YWHAE: variants seen among roughly 807,000 people sequenced by gnomAD.
YWHAE encodes the protein 14-3-3 protein epsilon.
Under a neutral mutation model 30.1 loss-of-function variants are expected in YWHAE, and 4 were observed. That is an observed-to-expected ratio of 0.13 (90% CI 0.07 to 0.30). The LOEUF (loss-of-function observed/expected upper bound fraction) is 0.30, where lower values mean the gene tolerates loss of function less well. YWHAE is among the 10% of genes least tolerant of loss of function. YWHAE has a pLI of 1.00. For synonymous variants in YWHAE, 118 were observed against 111.8 expected (o/e 1.06, Z -0.35); for missense variants, 121 against 315.9 (o/e 0.38, Z 4.68).
Position 1,375,239 on chromosome 17 carries a change from A to AT in YWHAE, c.65-10182dup, listed in dbSNP as rs569713503. 2.7e-3 allele frequency among the ~76,000 whole-genome samples: 410 copies of AT among 152,338 alleles called. 3 individuals carry two copies. Among genetic ancestry groups the AT allele is most frequent in the Non-Finnish European group, 2.5e-3 (167 of 68,040 alleles). ...TCCTTTTAACACCAGCAACAGAAAC[A>AT]TAATACTAATGATAATGTACCCCAA... On this transcript the variant is annotated intron_variant, in intron 1 of 5. Transcript: ENST00000264335.
chr17:1,357,629 TA>T (rs1434971141), intron 4 of YWHAE, among the ~76,000 whole-genome samples: 1 of 150,882 alleles, frequency 6.6e-6, no homozygotes, highest in Non-Finnish European at 1.5e-5. Flanking sequence ...ATATTTACTG[TA>T]AAAATTTAAA....
chr17:1,368,152 C>T (rs1459323291), intron 1 of YWHAE, among the ~76,000 whole-genome samples: 2 of 151,728 alleles, frequency 1.3e-5, no homozygotes, highest in East Asian at 1.9e-4. Flanking sequence ...TTTGGGAGGC[C>T]GAGGCAGGCA....
At position 1,372,137 on chromosome 17, in the gene YWHAE, C is replaced by T. The variant is rs184486641; in HGVS notation, c.65-7079G>A. On this transcript the variant is annotated intron_variant, in intron 1 of 5. Coordinates refer to ENST00000264335, the MANE Select transcript of YWHAE (RefSeq NM_006761.5). ...ACAGGCGTGAGCCACCGCGCTCAGC[C>T]GACCTTGTACTTTTTAAGTAATGGA... is the stretch of plus-strand genomic sequence containing the variant. Among the ~76,000 whole-genome samples the T allele has an allele frequency of 4.1e-3, 625 of 152,332 alleles. 3 individuals are homozygous for T. The highest frequency in any genetic ancestry group is 4.4e-3 in the Non-Finnish European group (296 of 68,032).
rs963347461 is a variant in YWHAE, at chr17:1,400,167, A to G, written c.-57T>C. 2 of 1,601,108 alleles carry G rather than the reference A, an allele frequency of 1.2e-6. No homozygotes were observed. Among genetic ancestry groups the G allele is most frequent in the Non-Finnish European group, 1.7e-6 (2 of 1,169,150 alleles). ...CGGATGGAAGCGGATAGTGTCTCCG[A>G]CTCTCTCAGCCTCTCGCTCCGCGTC... is the stretch of plus-strand genomic sequence containing the variant. On this transcript the variant is annotated 5_prime_UTR_variant, in exon 1 of 6. Coordinates refer to ENST00000264335, the MANE Select transcript of YWHAE (RefSeq NM_006761.5).
chr17:1,354,003 T>C (rs576728656), intron 5 of YWHAE, among the ~76,000 whole-genome samples: 2 of 152,122 alleles, frequency 1.3e-5, no homozygotes, highest in Non-Finnish European at 2.9e-5. Flanking sequence ...TTTGAAACAG[T>C]GTAAAGGAAG....
At chr17:1,346,355 C>A (rs1435727731) in intron 5 of YWHAE, among the ~76,000 whole-genome samples, 1 of 152,100 alleles carries the variant, frequency 6.6e-6, no homozygotes, top group Non-Finnish European at 1.5e-5. Context: ...TTTAAAAAAA[C>A]CACTTACAAT....
At chr17:1,388,046 C>T (rs1407861607) in intron 1 of YWHAE, among the ~76,000 whole-genome samples, 2 of 147,322 alleles carry the variant, frequency 1.4e-5, no homozygotes, top group Admixed American at 6.9e-5. Flanking sequence ...CTGCCTTAAC[C>T]TCCTGAGTAG....
rs1241945941 is a variant in YWHAE, at chr17:1,345,458, C to T, written c.757G>A (p.Glu253Lys). 3 of 1,613,766 alleles carry T rather than the reference C, an allele frequency of 1.9e-6. No homozygotes were observed. The highest frequency in any genetic ancestry group is 4.5e-5 in the East Asian group (2 of 44,878). The change falls in exon 6 of 6, where the codon GAA (glutamate) becomes AAA (lysine). Residue 253 changes from glutamate to lysine, a missense_variant. Around this residue, in one of 2 missense-constraint regions of YWHAE, gnomAD observed 22 missense variants for 26.6 expected, o/e 0.83. Transcript: ENST00000264335. Reference sequence around the variant, plus strand: ...TGTTGGCTTATGTCTCACTGATTTTCGTCTTCCACGTCCTGCAGCGCTTCT... The same window carrying T: ...TGTTGGCTTATGTCTCACTGATTTTTGTCTTCCACGTCCTGCAGCGCTTCT... ...NKEALQDVED[E>K]NQ is the part of the protein sequence containing the mutation.
chr17:1,397,899 A>G (rs757600972), intron 1 of YWHAE, among the ~76,000 whole-genome samples: 28 of 152,002 alleles, frequency 1.8e-4, no homozygotes, highest in Non-Finnish European at 3.7e-4. Context: ...CCTGAAGGGG[A>G]CACCTAACAT....
At chr17:1,360,420 A>G (rs551860506) in intron 4 of YWHAE, among the ~76,000 whole-genome samples, 77 of 152,356 alleles carry the variant, frequency 5.1e-4, no homozygotes, top group African/African-American at 1.8e-3. Flanking sequence ...AACAGAAAAT[A>G]TAAAATTATG....
intron 1 of YWHAE, 167 bp downstream of exon 1, chr17:1,399,880 G>A (rs917827258): frequency 7.6e-6 from 6 of 787,846 alleles, no homozygotes; most frequent in East Asian, 2.6e-5. Flanking sequence ...CCAGGGCATA[G>A]AGCCTCCCAT....
At chr17:1,388,332 C>T (rs1190999295) in intron 1 of YWHAE, among the ~76,000 whole-genome samples, 34 of 150,320 alleles carry the variant, frequency 2.3e-4, no homozygotes, top group Admixed American at 1.1e-3. Context: ...CTGGCTAACA[C>T]GGTGAAACCC....
intron 1 of YWHAE, among the ~76,000 whole-genome samples, chr17:1,366,651 CT>C (rs2072947505): frequency 6.6e-6 from 1 of 152,088 alleles, no homozygotes; most frequent in South Asian, 2.1e-4. Context: ...TCATAAAACA[CT>C]ACTAAATTGG....
chr17:1,398,665 T>C (rs1424250826), intron 1 of YWHAE, among the ~76,000 whole-genome samples: 2 of 152,264 alleles, frequency 1.3e-5, no homozygotes, highest in East Asian at 1.9e-4. Context: ...CCCACAGACA[T>C]GACCTTTCGT....
intron 4 of YWHAE, among the ~76,000 whole-genome samples, chr17:1,356,785 C>CTA (rs1377150455): frequency 6.7e-6 from 1 of 148,306 alleles, no homozygotes; most frequent in Non-Finnish European, 1.5e-5. Flanking sequence ...ATGGTGAAAA[C>CTA]CTGTCTCTAC....
chr17:1,351,326 TGA>T (rs1436034710), intron 5 of YWHAE, among the ~76,000 whole-genome samples: 1 of 151,452 alleles, frequency 6.6e-6, no homozygotes. Context: ...TGCAGTCAGC[TGA>T]GAGAGCACCA....
intron 4 of YWHAE, among the ~76,000 whole-genome samples, chr17:1,356,957 C>T (rs1361464196): frequency 6.6e-6 from 1 of 151,046 alleles, no homozygotes; most frequent in South Asian, 2.1e-4. Context: ...CTCAAACAAA[C>T]CAAAAAAAAA....
At chr17:1,388,236 G>A (rs1158649151) in intron 1 of YWHAE, among the ~76,000 whole-genome samples, 2 of 147,400 alleles carry the variant, frequency 1.4e-5, no homozygotes, top group African/African-American at 2.5e-5. Flanking sequence ...GCTAGGATTG[G>A]CCAGGCGCTG....
intron 4 of YWHAE, among the ~76,000 whole-genome samples, chr17:1,356,158 G>T (rs1467759968): frequency 6.9e-6 from 1 of 144,768 alleles, no homozygotes; most frequent in Middle Eastern, 3.5e-3. Flanking sequence ...AACAGAGCAA[G>T]ACTCCGTCTA....
Sources: gnomAD v4.1 joint callset for allele counts (sites outside exome capture counted in the v4.1 genomes callset) on GRCh38, gnomAD v4.1.1 for gene constraint, gnomAD v4.1.1 regional missense constraint, MANE v1.5 for transcripts, NCBI Gene and HGNC (gene_info 2026-07-23, HGNC 2026-07-21) for gene names.